Variants in NUP153 observed in about 807,000 individuals in gnomAD.
NUP153 encodes nucleoporin 153, also known as nuclear pore complex protein Nup153.
In NUP153, 27 loss-of-function variants were observed where a neutral mutation model predicts 134.6. That is an observed-to-expected ratio of 0.20 (90% CI 0.15 to 0.28). The LOEUF is 0.28. Ranked by LOEUF, NUP153 falls within the 10% of genes least tolerant of loss-of-function variation. The pLI is 1.00. For missense variants in NUP153, 1,821 were observed against 1,731.3 expected, an observed-to-expected ratio of 1.05 and a Z score of -0.92; for synonymous variants, 640 against 623.5, an observed-to-expected ratio of 1.03 and a Z score of -0.40.
At chr6:17,631,250 C>T (rs545053352) in intron 17 of NUP153, among the ~76,000 whole-genome samples, 7 of 152,174 alleles carry the variant, frequency 4.6e-5, no homozygotes, top group Admixed American at 6.5e-5. Flanking sequence ...TAGACATATA[C>T]GCTGTGCAGG....
Position 17,625,784 on chromosome 6 carries a change from G to A in NUP153, c.3901+24C>T. Reference sequence around the variant, plus strand: ...TAAGTAAAGTCCATCCAATTACAATGCATTTTTTCTTTTGTAAATGTACCT... The same window carrying A: ...TAAGTAAAGTCCATCCAATTACAATACATTTTTTCTTTTGTAAATGTACCT... On this transcript the variant is annotated intron_variant, in intron 19 of 21. Transcript: ENST00000262077. The surrounding 1 kb of genome is among the most constrained non-coding windows in gnomAD (Gnocchi z 4.7). 2 of 1,522,740 alleles carry A rather than the reference G, an allele frequency of 1.3e-6. No homozygotes were observed. The highest frequency in any genetic ancestry group is 1.8e-6 in the Non-Finnish European group (2 of 1,098,910). 94.3% of individuals were successfully genotyped at this position (1,522,740 alleles called of 1,614,324 possible).
At chr6:17,662,806 G>GT (rs1395292635) in intron 9 of NUP153, among the ~76,000 whole-genome samples, 1 of 152,182 alleles carries the variant, frequency 6.6e-6, no homozygotes, top group Non-Finnish European at 1.5e-5. Context: ...ACTGCCAAAA[G>GT]TAGGTAACTG....
chr6:17,643,962 G>A (rs1377245209), intron 14 of NUP153, among the ~76,000 whole-genome samples: 1 of 151,582 alleles, frequency 6.6e-6, no homozygotes, highest in Non-Finnish European at 1.5e-5. Context: ...TGAATTAATA[G>A]TTAACATTAA....
At chr6:17,685,031 T>C (rs894349844) in intron 2 of NUP153, among the ~76,000 whole-genome samples, 1 of 152,242 alleles carries the variant, frequency 6.6e-6, no homozygotes, top group Non-Finnish European at 1.5e-5. Context: ...GTGACAGACA[T>C]GTTAGCGTGT....
intron 20 of NUP153, among the ~76,000 whole-genome samples, chr6:17,617,402 C>T (rs542465002): frequency 2.1e-5 from 3 of 146,068 alleles, no homozygotes; most frequent in South Asian, 4.3e-4. Flanking sequence ...ATTGCATTTA[C>T]ACCAAACATA....
chr6:17,694,279 T>C (rs1769485728), intron 1 of NUP153, among the ~76,000 whole-genome samples: 1 of 152,188 alleles, frequency 6.6e-6, no homozygotes, highest in African/African-American at 2.4e-5. Flanking sequence ...TGAGTTAGTA[T>C]AGATTCTAAA....
intron 1 of NUP153, among the ~76,000 whole-genome samples, chr6:17,701,555 G>A (rs1353415963): frequency 3.3e-5 from 5 of 151,054 alleles, no homozygotes; most frequent in Admixed American, 2.6e-4. Flanking sequence ...CCAGCTACTC[G>A]GGAGGCTGAG....
intron 8 of NUP153, 94 bp from the exon 9 acceptor site, chr6:17,665,479 A>G (rs2113821423): frequency 2.1e-6 from 2 of 951,024 alleles, no homozygotes; most frequent in Non-Finnish European, 3.2e-6. Flanking sequence ...CCTAAAGACC[A>G]TGAGTATTTC....
intron 20 of NUP153, among the ~76,000 whole-genome samples, chr6:17,619,319 G>C (rs1321664532): frequency 2.0e-5 from 3 of 152,178 alleles, no homozygotes; most frequent in African/African-American, 7.2e-5. Flanking sequence ...TTCCATCCCT[G>C]AACCCTCAAG....
At chr6:17,616,253 T>A in intron 21 of NUP153, 72 bp from the exon 22 acceptor site, 1 of 504,956 alleles carries the variant, frequency 2.0e-6, no homozygotes, top group Admixed American at 2.9e-5. Flanking sequence ...ACATTTACCA[T>A]GAGCAGCACA....
intron 16 of NUP153, among the ~76,000 whole-genome samples, chr6:17,633,343 A>G (rs1765358012): frequency 9.2e-5 from 14 of 152,256 alleles, no homozygotes; most frequent in Admixed American, 8.5e-4. Context: ...CCTCTGAATG[A>G]TAGCTTTTGC....
At chr6:17,627,874 G>C (rs1252443977) in intron 18 of NUP153, among the ~76,000 whole-genome samples, 1 of 152,120 alleles carries the variant, frequency 6.6e-6, no homozygotes, top group Non-Finnish European at 1.5e-5. Flanking sequence ...TTTGCCAATA[G>C]GTAATTTCCA....
At chr6:17,616,282 T>TGGGGGGGGGCGG in intron 21 of NUP153, 101 bp from the exon 22 acceptor site, 1 of 332,090 alleles carries the variant, frequency 3.0e-6, no homozygotes, top group South Asian at 3.7e-5. Context: ...GGGGGTCGGG[T>TGGGGGGGGGCGG]GGGGGGGGAG....
intron 11 of NUP153, among the ~76,000 whole-genome samples, chr6:17,651,476 AT>A (rs1259488819): frequency 6.6e-6 from 1 of 152,158 alleles, no homozygotes; most frequent in African/African-American, 2.4e-5. Flanking sequence ...CTATAAATGG[AT>A]TTGGTGTTCC....
intron 1 of NUP153, among the ~76,000 whole-genome samples, chr6:17,694,716 C>T (rs946140566): frequency 1.3e-5 from 2 of 151,810 alleles, no homozygotes; most frequent in Non-Finnish European, 2.9e-5. Context: ...CGGTGGCTTA[C>T]TCCTATAAGC....
chr6:17,643,903 T>A (rs1288707899), intron 14 of NUP153, among the ~76,000 whole-genome samples: 5 of 152,222 alleles, frequency 3.3e-5, no homozygotes. Flanking sequence ...TTAATGCCTT[T>A]CCTCATAATA....
At chr6:17,689,859 A>T (rs1161836277) in intron 1 of NUP153, among the ~76,000 whole-genome samples, 2 of 152,124 alleles carry the variant, frequency 1.3e-5, no homozygotes, top group African/African-American at 4.8e-5. Context: ...AAGGGAAAGT[A>T]ATGTGGTATA....
intron 8 of NUP153, among the ~76,000 whole-genome samples, chr6:17,665,716 AGTTTTTT>A (rs1445848331): frequency 6.6e-6 from 1 of 150,422 alleles, no homozygotes; most frequent in African/African-American, 2.4e-5. Flanking sequence ...AACCTTTTAC[AGTTTTTT>A]GTTTTTTTTT....
In NUP153 at chr6:17,688,407, C is replaced by T. The variant is rs745547716; in HGVS notation, c.323G>A (p.Ser108Asn). ...DGRITPEPAV[S>N]NTEEPSTTST... ...CACATTTTACTTACCTTCTGTATTA[C>T]TGACTGCTGGCTCAGGTGTGATTCT... The change falls in exon 2 of 22, where the codon AGT (serine) becomes AAT (asparagine). Residue 108 changes from serine (S) to asparagine (N), a missense_variant. By Grantham distance (46) the Ser-to-Asn change is conservative. Transcript: ENST00000262077. 1.6e-5 allele frequency: 26 copies of T among 1,613,262 alleles called. 1 individual carries two copies. The South Asian group carries it at 2.6e-4, about 16-fold the overall frequency.
Sources: gnomAD v4.1 joint callset for allele counts (sites outside exome capture counted in the v4.1 genomes callset) on GRCh38, gnomAD v4.1.1 for gene constraint, Gnocchi (gnomAD v3.1) non-coding constraint, MANE v1.5 for transcripts, NCBI Gene and HGNC (gene_info 2026-07-23, HGNC 2026-07-21) for gene names.